The following FAM47E variants were observed in gnomAD, a reference collection of about 807,000 sequenced individuals.
FAM47E encodes the protein protein FAM47E.
A neutral mutation model predicts 41.6 loss-of-function variants in FAM47E; 32 were observed. The ratio of observed to expected loss-of-function variants is 0.77; its 90% CI spans 0.58 to 1.03. The LOEUF (loss-of-function observed/expected upper bound fraction) is 1.03, where lower values mean the gene tolerates loss of function less well. FAM47E is among the 50% of genes least tolerant of loss of function. FAM47E has a pLI of 0.00. For missense variants in FAM47E, 424 were observed against 485.4 expected (o/e 0.87, Z 1.19); for synonymous variants, 184 against 188.7 (o/e 0.98, Z 0.20).
At chr4:76,224,803 TG>T (rs1733366961) in intron 2 of FAM47E, among the ~76,000 whole-genome samples, 1 of 152,118 alleles carries the variant, frequency 6.6e-6, no homozygotes, top group Admixed American at 6.5e-5. Context: ...TTTGGTTGCA[TG>T]GAAAAGTTCT....
At chr4:76,273,029 T>G (rs1341968813) in intron 5 of FAM47E, among the ~76,000 whole-genome samples, 1 of 152,218 alleles carries the variant, frequency 6.6e-6, no homozygotes, top group African/African-American at 2.4e-5. Flanking sequence ...TAGTCGCCTG[T>G]TATCTGTTAC....
chr4:76,234,477 GCTAGGCCAGAGTCCCT>G (rs1733549886), intron 2 of FAM47E: 1 of 152,222 alleles, frequency 6.6e-6, no homozygotes, highest in Admixed American at 6.5e-5. Context: ...AGGGACTCTT[GCTAGGCCAGAGTCCCT>G]GCTAGAATGC....
At chr4:76,258,483 C>A (rs977640652) in intron 2 of FAM47E, among the ~76,000 whole-genome samples, 1 of 152,246 alleles carries the variant, frequency 6.6e-6, no homozygotes, top group African/African-American at 2.4e-5. Flanking sequence ...AGACAGTGGG[C>A]AGTCAAAAAC....
chr4:76,263,810 TAAA>T lies in FAM47E; in HGVS notation c.532_534del (p.Lys178del), dbSNP rs747698835. 6 of 1,551,278 alleles carry T rather than the reference TAAA, an allele frequency of 3.9e-6. No individual in the cohort carries two copies. In the African/African-American group the frequency reaches 8.2e-5, roughly 21 times the overall value. On this transcript the variant is annotated inframe_deletion, in exon 3 of 8. Coordinates refer to ENST00000424749, the MANE Select transcript of FAM47E (RefSeq NM_001136570.3). ...GGAATGAAGGAACCCACGAAGCTTT[TAAA>T]AAAACATTCTACCCAAGTCTACCTG...
Position 76,252,182 on chromosome 4 carries a change from C to T in FAM47E, c.74+362C>T, listed in dbSNP as rs1026353420. On this transcript the variant is annotated intron_variant, in intron 1 of 7. Transcript: ENST00000424749. ...CCAACCAACTGTTCGCCAGATGCCC[C>T]GGGGCGCCTGGAGCCCTGTATCCGA... 2.2e-4 allele frequency among the ~76,000 whole-genome samples: 34 copies of T among 152,060 alleles called. 1 individual carries two copies. Among genetic ancestry groups the T allele is most frequent in the Admixed American group, 2.2e-3 (34 of 15,278 alleles).
intron 2 of FAM47E, among the ~76,000 whole-genome samples, chr4:76,230,101 T>G (rs1468073009): frequency 6.6e-6 from 1 of 152,146 alleles, no homozygotes; most frequent in African/African-American, 2.4e-5. Context: ...CCCAAAAGTT[T>G]ATGTCTTTTG....
At chr4:76,264,967 A>C (rs1734571892) in intron 3 of FAM47E, among the ~76,000 whole-genome samples, 1 of 152,210 alleles carries the variant, frequency 6.6e-6, no homozygotes, top group Non-Finnish European at 1.5e-5. Flanking sequence ...AGAGTAGCCT[A>C]TCCACAGTAC....
chr4:76,277,986 C>T (rs191692167), intron 5 of FAM47E, 83 bp from the exon 6 acceptor site: 6 of 1,370,032 alleles, frequency 4.4e-6, no homozygotes, highest in Admixed American at 3.5e-5. Context: ...AATGATCCTG[C>T]TCTCCTAAGC....
At chr4:76,280,606 G>C (rs535369275) in intron 7 of FAM47E, 2 of 333,414 alleles carry the variant, frequency 6.0e-6, no homozygotes, top group South Asian at 1.1e-4. Context: ...ATCTTCCTTG[G>C]ATTTGGCCTC....
intron 5 of FAM47E, among the ~76,000 whole-genome samples, chr4:76,273,302 C>A (rs916072523): frequency 1.3e-5 from 2 of 152,144 alleles, no homozygotes; most frequent in African/African-American, 4.8e-5. Context: ...TAGAATTTTC[C>A]ATTTAATACT....
At chr4:76,272,417 C>T (rs912134061) in intron 5 of FAM47E, among the ~76,000 whole-genome samples, 1 of 152,176 alleles carries the variant, frequency 6.6e-6, no homozygotes, top group Non-Finnish European at 1.5e-5. Flanking sequence ...GAGAGCCCTT[C>T]CCTGAAAATG....
intron 5 of FAM47E, among the ~76,000 whole-genome samples, chr4:76,273,856 AT>A (rs34537987): frequency 2.0e-5 from 3 of 146,636 alleles, no homozygotes; most frequent in South Asian, 2.1e-4. Context: ...TAAATTCTCT[AT>A]TTTTTTTTCT....
intron 2 of FAM47E, among the ~76,000 whole-genome samples, chr4:76,257,709 C>T (rs568624497): frequency 3.3e-5 from 5 of 152,086 alleles, no homozygotes; most frequent in African/African-American, 1.2e-4. Flanking sequence ...CCCTTTAGAT[C>T]GATGCTCAAA....
At chr4:76,232,688 C>T (rs1446190722) in intron 2 of FAM47E, among the ~76,000 whole-genome samples, 2 of 152,128 alleles carry the variant, frequency 1.3e-5, no homozygotes, top group African/African-American at 4.8e-5. Flanking sequence ...TTTACCTAGA[C>T]ATGTCAAATC....
chr4:76,248,161 A>T (rs1300724279), upstream of FAM47E, among the ~76,000 whole-genome samples: 2 of 151,818 alleles, frequency 1.3e-5, no homozygotes, highest in African/African-American at 2.4e-5. Flanking sequence ...TGATCCGCCC[A>T]TCTCAGCCTC....
chr4:76,241,291 G>T (rs928564017), intron 2 of FAM47E, among the ~76,000 whole-genome samples: 11 of 152,142 alleles, frequency 7.2e-5, no homozygotes, highest in African/African-American at 2.7e-4. Flanking sequence ...AAAATGAAGG[G>T]CAGAAAAAGG....
intron 4 of FAM47E, among the ~76,000 whole-genome samples, chr4:76,270,669 T>TA (rs1734847967): frequency 6.6e-6 from 1 of 152,178 alleles, no homozygotes; most frequent in African/African-American, 2.4e-5. Context: ...AACCTTAGAA[T>TA]AAGAGTTTAG....
intron 7 of FAM47E, chr4:76,281,890 C>G (rs1969149): frequency 6.6e-6 from 1 of 151,974 alleles, no homozygotes; most frequent in Non-Finnish European, 1.5e-5. Flanking sequence ...GTGTCACCGC[C>G]TTCTGGTCCC....
chr4:76,278,376 T>A, intron 6 of FAM47E, 152 bp downstream of exon 6: 1 of 808,990 alleles, frequency 1.2e-6, no homozygotes. Flanking sequence ...GAAAGCTAAG[T>A]AATGTTAAGG....
Sources: allele counts gnomAD v4.1 joint callset (sites outside exome capture counted in the v4.1 genomes callset), GRCh38; gene constraint gnomAD v4.1.1; transcripts MANE v1.5; gene names NCBI Gene and HGNC (gene_info 2026-07-23, HGNC 2026-07-21).